The following BLTP3B variants were observed in gnomAD, a reference collection of about 807,000 sequenced individuals.
The protein encoded by BLTP3B is UHRF1 (ICBP90) binding protein 1-like.
the BLTP3B span, among the ~76,000 whole-genome samples, chr12:100,125,107 G>A: frequency 2.0e-5 from 3 of 149,118 alleles, no homozygotes; most frequent in Non-Finnish European, 3.0e-5. Flanking sequence ...CGAGATGGGC[G>A]GATCATCCGA....
At chr12:100,096,185 C>T in the BLTP3B span, among the ~76,000 whole-genome samples, 851 of 151,656 alleles carry the variant, frequency 5.6e-3, 6 homozygotes, top group Admixed American at 0.012. Context: ...GCCCAGGAGG[C>T]AGAGGTTGCA....
chr12:100,037,822 A>G, the BLTP3B span: 1 of 1,394,126 alleles, frequency 7.2e-7, no homozygotes, highest in Non-Finnish European at 9.7e-7. Context: ...CTATTTATAT[A>G]GTATCCAAAG....
chr12:100,098,904 G>C, the BLTP3B span, among the ~76,000 whole-genome samples: 1 of 129,858 alleles, frequency 7.7e-6, no homozygotes, highest in African/African-American at 3.5e-5. Flanking sequence ...GCAAGACTCT[G>C]TCTAAAAATA....
chr12:100,096,370 T>C, the BLTP3B span, among the ~76,000 whole-genome samples: 1 of 152,196 alleles, frequency 6.6e-6, no homozygotes, highest in Non-Finnish European at 1.5e-5. Flanking sequence ...TTACAAGTTA[T>C]ATAGCACTTA....
chr12:100,099,387 G>A, the BLTP3B span, among the ~76,000 whole-genome samples: 1 of 151,616 alleles, frequency 6.6e-6, no homozygotes, highest in Non-Finnish European at 1.5e-5. Flanking sequence ...CAGCACTTTG[G>A]GAGGCCAAGG....
At chr12:100,064,870 A>T in the BLTP3B span, among the ~76,000 whole-genome samples, 7 of 150,202 alleles carry the variant, frequency 4.7e-5, no homozygotes, top group African/African-American at 1.5e-4. Context: ...AACAAAAATT[A>T]AAAAAAAAAT....
the BLTP3B span, among the ~76,000 whole-genome samples, chr12:100,104,129 C>T: frequency 6.6e-6 from 1 of 151,768 alleles, no homozygotes; most frequent in Admixed American, 6.6e-5. Context: ...CAGATGTACC[C>T]ATTTTATTTA....
At chr12:100,060,191 G>T in the BLTP3B span, 1 of 628,706 alleles carries the variant, frequency 1.6e-6, no homozygotes, top group Non-Finnish European at 2.4e-6. Flanking sequence ...GTGATACATT[G>T]GAATGATAAC....
the BLTP3B span, among the ~76,000 whole-genome samples, chr12:100,082,427 G>C: frequency 6.6e-6 from 1 of 152,106 alleles, no homozygotes; most frequent in East Asian, 1.9e-4. Flanking sequence ...TGTTTTTGTT[G>C]CAATTACTTT....
At chr12:100,058,311 G>A in the BLTP3B span, 3 of 1,613,786 alleles carry the variant, frequency 1.9e-6, no homozygotes, top group South Asian at 1.1e-5. Flanking sequence ...AATTTCTCCT[G>A]AGCCACTTTT....
At chr12:100,074,568 T>A in the BLTP3B span, among the ~76,000 whole-genome samples, 4 of 144,464 alleles carry the variant, frequency 2.8e-5, no homozygotes, top group African/African-American at 1.0e-4. Context: ...TATTCCAGCC[T>A]GGGCAACAGA....
the BLTP3B span, chr12:100,142,557 G>A: frequency 6.2e-7 from 1 of 1,602,332 alleles, no homozygotes; most frequent in Non-Finnish European, 8.5e-7. Context: ...CTGGGGTGGA[G>A]GCCGACTGGC....
chr12:100,078,897 GCA>G, the BLTP3B span, among the ~76,000 whole-genome samples: 6 of 152,118 alleles, frequency 3.9e-5, no homozygotes, highest in Admixed American at 3.9e-4. Flanking sequence ...AGTCTTTCCT[GCA>G]CTGTTCTTGT....
At chr12:100,111,934 G>C in the BLTP3B span, among the ~76,000 whole-genome samples, 1 of 151,782 alleles carries the variant, frequency 6.6e-6, no homozygotes, top group Admixed American at 6.6e-5. Context: ...TAAAGACAGG[G>C]ACTCACTATG....
At chr12:100,051,309 TC>T in the BLTP3B span, 2 of 1,164,822 alleles carry the variant, frequency 1.7e-6, no homozygotes, top group Admixed American at 3.2e-5. Context: ...AAATGGACTA[TC>T]CCTTCAACTC....
At chr12:100,139,830 C>T in the BLTP3B span, among the ~76,000 whole-genome samples, 597 of 152,168 alleles carry the variant, frequency 3.9e-3, 6 homozygotes, top group African/African-American at 0.014. Flanking sequence ...TAAATATGTA[C>T]GACAGACAAG....
the BLTP3B span, chr12:100,050,312 C>T: frequency 5.2e-5 from 83 of 1,598,604 alleles, no homozygotes; most frequent in Non-Finnish European, 6.2e-5. Context: ...AATACCACAA[C>T]GGACATCTAT....
At chr12:100,098,767 G>C in the BLTP3B span, among the ~76,000 whole-genome samples, 4 of 151,522 alleles carry the variant, frequency 2.6e-5, no homozygotes, top group Non-Finnish European at 5.9e-5. Context: ...AAATTAGCCA[G>C]GCACAGTGGC....
the BLTP3B span, among the ~76,000 whole-genome samples, chr12:100,072,415 G>C: frequency 6.6e-6 from 1 of 151,838 alleles, no homozygotes; most frequent in Non-Finnish European, 1.5e-5. Flanking sequence ...TAAGAATAAA[G>C]AACAATAGGG....
Sources: allele counts gnomAD v4.1 joint callset (sites outside exome capture counted in the v4.1 genomes callset), GRCh38; gene constraint gnomAD v4.1.1; transcripts MANE v1.5; gene names NCBI Gene and HGNC (gene_info 2026-07-23, HGNC 2026-07-21).